RAB11FIP3: variants seen among roughly 807,000 people sequenced by gnomAD.
RAB11FIP3 encodes rab11 family-interacting protein 3.
A neutral mutation model predicts 77.8 loss-of-function variants in RAB11FIP3; 17 were observed. That is an observed-to-expected ratio of 0.22 (90% CI 0.15 to 0.33). The LOEUF (loss-of-function observed/expected upper bound fraction) is 0.33. Among genes scored for constraint, RAB11FIP3 ranks in the 10% least tolerant of loss-of-function variants. The pLI is 1.00. For synonymous variants in RAB11FIP3, 437 were observed against 448.2 expected, an observed-to-expected ratio of 0.98 and a Z score of 0.31; for missense variants, 1,005 against 1,011.2, an observed-to-expected ratio of 0.99 and a Z score of 0.08.
intron 1 of RAB11FIP3, among the ~76,000 whole-genome samples, chr16:430,197 C>G (rs1051753007): frequency 4.6e-5 from 7 of 152,112 alleles, no homozygotes; most frequent in African/African-American, 1.4e-4. Flanking sequence ...TGACATGACC[C>G]CTTCATACTG....
chr16:494,404 C>T (rs1211852879), intron 5 of RAB11FIP3, among the ~76,000 whole-genome samples: 5 of 151,280 alleles, frequency 3.3e-5, no homozygotes, highest in Admixed American at 1.3e-4. Flanking sequence ...GGGCAGATCA[C>T]GAGGTCAGGA....
chr16:431,482 C>T (rs939897566), intron 1 of RAB11FIP3, among the ~76,000 whole-genome samples: 2 of 151,892 alleles, frequency 1.3e-5, no homozygotes, highest in African/African-American at 2.4e-5. Context: ...TGGGTTCAAG[C>T]GATTGTCTTG....
At chr16:429,083 A>C (rs2054996544) in intron 1 of RAB11FIP3, among the ~76,000 whole-genome samples, 3 of 152,060 alleles carry the variant, frequency 2.0e-5, no homozygotes, top group Admixed American at 1.3e-4. Flanking sequence ...GGGATGGAGG[A>C]GAGCTCTTGA....
intron 2 of RAB11FIP3, among the ~76,000 whole-genome samples, chr16:462,936 C>G (rs950218723): frequency 2.0e-5 from 3 of 152,186 alleles, no homozygotes; most frequent in African/African-American, 7.2e-5. Context: ...CGATCCGTTG[C>G]GTGCTTGTGC....
chr16:513,003 A>G (rs1321283325), intron 9 of RAB11FIP3, among the ~76,000 whole-genome samples: 3 of 152,124 alleles, frequency 2.0e-5, no homozygotes, highest in East Asian at 1.9e-4. Flanking sequence ...TTAAAGCAGC[A>G]TGGTGCCTCC....
chr16:425,956 G>A lies in RAB11FIP3; in HGVS notation c.-51G>A. 1 of 766,480 alleles carries A rather than the reference G, an allele frequency of 1.3e-6. No homozygotes were observed. The allele number at this position is 766,480 out of a possible 1,614,324, so 47.5% of individuals were successfully genotyped here. The stretch of plus-strand genomic sequence containing the variant: ...GCCCGCGCCCGCCGCCGCGCCCTGA[G>A]CGCCTTTGTCTGCCGCCCGCGCCCT... On this transcript the variant is annotated 5_prime_UTR_variant, in exon 1 of 14. Transcript: ENST00000262305.
intron 2 of RAB11FIP3, among the ~76,000 whole-genome samples, chr16:462,156 A>G (rs191753050): frequency 7.7e-4 from 117 of 152,324 alleles, no homozygotes; most frequent in African/African-American, 2.8e-3. Context: ...CCTCGCCCTC[A>G]GGCAGTGCCT....
chr16:438,428 CAG>C (rs1311930953), intron 1 of RAB11FIP3, among the ~76,000 whole-genome samples: 1 of 104,190 alleles, frequency 9.6e-6, no homozygotes, highest in Non-Finnish European at 1.9e-5. Context: ...TTTTTTGAGA[CAG>C]AGTCTTGTTC....
intron 8 of RAB11FIP3, among the ~76,000 whole-genome samples, chr16:509,225 C>T (rs181011072): frequency 6.6e-5 from 10 of 152,366 alleles, no homozygotes; most frequent in Non-Finnish European, 1.5e-4. Context: ...TTGTCCTTCC[C>T]ACGCTTTCAG....
chr16:459,284 G>A (rs950978194), intron 1 of RAB11FIP3, among the ~76,000 whole-genome samples: 2 of 149,604 alleles, frequency 1.3e-5, no homozygotes, highest in African/African-American at 2.5e-5. Context: ...CCACCACCAC[G>A]CCCAGCTAAT....
At chr16:448,700 C>T (rs1190471079) in intron 1 of RAB11FIP3, among the ~76,000 whole-genome samples, 3 of 143,850 alleles carry the variant, frequency 2.1e-5, no homozygotes, top group Non-Finnish European at 3.0e-5. Flanking sequence ...GGTGCCACTG[C>T]ACTCCAGCCT....
chr16:500,713 AAAATT>A (rs1441630506), intron 6 of RAB11FIP3, among the ~76,000 whole-genome samples: 5 of 150,858 alleles, frequency 3.3e-5, no homozygotes, highest in South Asian at 2.1e-4. Context: ...AAAAAAAAAA[AAAATT>A]AAATAAGTAA....
intron 3 of RAB11FIP3, among the ~76,000 whole-genome samples, chr16:478,857 T>TGAGA (rs2055975850): frequency 6.6e-6 from 1 of 152,100 alleles, no homozygotes; most frequent in Admixed American, 6.6e-5. Flanking sequence ...TCCCAGCTAC[T>TGAGA]TTGGTGGCTG....
intron 2 of RAB11FIP3, among the ~76,000 whole-genome samples, chr16:462,152 C>T (rs2055618098): frequency 1.3e-5 from 2 of 152,236 alleles, no homozygotes; most frequent in African/African-American, 4.8e-5. Context: ...TACCCCTCGC[C>T]CTCAGGCAGT....
At chr16:490,972 C>T (rs748257364) in intron 5 of RAB11FIP3, among the ~76,000 whole-genome samples, 16 of 152,200 alleles carry the variant, frequency 1.1e-4, no homozygotes, top group African/African-American at 1.7e-4. Flanking sequence ...GGGCTCACTG[C>T]GGTCTAAAGG....
At position 471,497 on chromosome 16, in the gene RAB11FIP3, C is replaced by T. The variant is rs574490395; in HGVS notation, c.903+108C>T. 4 of 1,002,176 alleles carry T rather than the reference C, an allele frequency of 4.0e-6. No homozygotes were observed. The highest frequency in any genetic ancestry group is 4.6e-6 in the Non-Finnish European group (3 of 658,408). 62.1% of individuals were successfully genotyped at this position (1,002,176 alleles called of 1,614,324 possible). On this transcript the variant is annotated intron_variant, in intron 3 of 13. Transcript: ENST00000262305. This position sits in a 1 kb window ranked among gnomAD's most constrained non-coding sequence, Gnocchi z 4.4. ...CCGGGCTGTCTTCCGTAGAAGCTGG[C>T]GTGAAGGAAGGGCCTCCCGCCCTGT...
intron 2 of RAB11FIP3, among the ~76,000 whole-genome samples, chr16:467,603 G>A (rs1454800958): frequency 7.2e-6 from 1 of 138,144 alleles, no homozygotes; most frequent in East Asian, 2.2e-4. Flanking sequence ...TCAGGGAGGA[G>A]GTGCTGGGGC....
At chr16:450,185 C>T (rs1447112089) in intron 1 of RAB11FIP3, among the ~76,000 whole-genome samples, 1 of 151,856 alleles carries the variant, frequency 6.6e-6, no homozygotes, top group Non-Finnish European at 1.5e-5. Context: ...TTTTCTCTTT[C>T]TTGAGACAGG....
chr16:492,471 A>G (rs867761456), intron 5 of RAB11FIP3, among the ~76,000 whole-genome samples: 2 of 98,914 alleles, frequency 2.0e-5, no homozygotes, highest in Non-Finnish European at 4.3e-5. Context: ...GGGAGACCCG[A>G]GGCCGCCCAG....
Sources: allele counts gnomAD v4.1 joint callset (sites outside exome capture counted in the v4.1 genomes callset), GRCh38; gene constraint gnomAD v4.1.1; non-coding constraint Gnocchi (gnomAD v3.1); transcripts MANE v1.5; gene names NCBI Gene and HGNC (gene_info 2026-07-23, HGNC 2026-07-21).